ZFHX3: variants seen among roughly 807,000 people sequenced by gnomAD.
ZFHX3 encodes zinc finger homeobox 3.
Under a neutral mutation model 279.1 loss-of-function variants are expected in ZFHX3, and 42 were observed. That is an observed-to-expected ratio of 0.15 (90% CI 0.12 to 0.19). The LOEUF is 0.19. Among genes scored for constraint, ZFHX3 ranks in the 10% least tolerant of loss-of-function variants. The pLI is 1.00. For missense variants in ZFHX3, 4,981 were observed against 4,754.0 expected (o/e 1.05, Z -1.40); for synonymous variants, 2,293 against 1,957.8 (o/e 1.17, Z -4.52).
At chr16:73,734,994 T>A (rs1460159337) in intron 1 of ZFHX3, among the ~76,000 whole-genome samples, 1 of 152,206 alleles carries the variant, frequency 6.6e-6, no homozygotes, top group African/African-American at 2.4e-5. Flanking sequence ...TTTATAAAAC[T>A]ACCAATACAA....
At chr16:72,898,800 G>A (rs920136163) in intron 3 of ZFHX3, among the ~76,000 whole-genome samples, 4 of 150,030 alleles carry the variant, frequency 2.7e-5, no homozygotes, top group African/African-American at 9.8e-5. Context: ...TAAATGCTAT[G>A]CATGCATATG....
At chr16:73,271,964 C>T (rs1281381049) in intron 4 of ZFHX3, among the ~76,000 whole-genome samples, 1 of 152,134 alleles carries the variant, frequency 6.6e-6, no homozygotes, top group African/African-American at 2.4e-5. Context: ...TGTCATCATC[C>T]ACAAAATAAT....
intron 3 of ZFHX3, among the ~76,000 whole-genome samples, chr16:73,332,287 G>A (rs897077262): frequency 2.6e-4 from 40 of 152,146 alleles, no homozygotes; most frequent in Non-Finnish European, 1.2e-4. Flanking sequence ...TTTATATAAC[G>A]AAGCTCTATA....
rs114172607 is a variant in ZFHX3 at position 72,902,725 on chromosome 16, G to A, written c.3217-12763C>T. 8.8e-3 allele frequency among the ~76,000 whole-genome samples: 1,341 copies of A among 152,222 alleles called. 23 individuals carry two copies. Among genetic ancestry groups the A allele is most frequent in the African/African-American group, 0.03 (1,237 of 41,550 alleles). On this transcript the variant is annotated intron_variant, in intron 3 of 9. Transcript: ENST00000268489. ...GGGTAGAGGATCTCAAGCTGTCCCTGAATATGAGCACCCTCATTTTTGAGA... is the reference window on the plus strand; with the variant it reads ...GGGTAGAGGATCTCAAGCTGTCCCTAAATATGAGCACCCTCATTTTTGAGA...
intron 1 of ZFHX3, among the ~76,000 whole-genome samples, chr16:72,979,194 C>T (rs980260988): frequency 6.6e-6 from 1 of 152,228 alleles, no homozygotes; most frequent in African/African-American, 2.4e-5. Context: ...CCTCCATCAT[C>T]CTCAGCACCC....
At position 73,041,808 on chromosome 16, in the gene ZFHX3, C is replaced by G. The variant is rs886311506; in HGVS notation, c.-50+5944G>C. Among the ~76,000 whole-genome samples, 3 of 152,330 alleles carry G rather than the reference C, an allele frequency of 2.0e-5. No homozygotes were observed. The East Asian group carries it at 5.8e-4, about 29-fold the overall frequency. On this transcript the variant is annotated intron_variant, in intron 1 of 9. Transcript: ENST00000268489. ...GGGAAGCAGAAACCATTCCTCCAGT[C>G]AAGGCCAAATGTACATTAAGAACCA...
chr16:73,145,274 C>T (rs1420478962), intron 5 of ZFHX3, among the ~76,000 whole-genome samples: 1 of 152,204 alleles, frequency 6.6e-6, no homozygotes, highest in Non-Finnish European at 1.5e-5. Context: ...GGTCGGGCCA[C>T]CTCACATGAT....
In ZFHX3 at chr16:72,949,906, CT is replaced by C. The variant is rs1175388347; in HGVS notation, c.3216+562del. Among the ~76,000 whole-genome samples the C allele has an allele frequency of 3.4e-5, 4 of 116,416 alleles. No individual in the cohort carries two copies. In the East Asian group the frequency reaches 1.1e-3, roughly 31 times the overall value. 76.4% of individuals were successfully genotyped at this position (116,416 alleles called of 152,430 possible). A position where few individuals can be genotyped will look rare whatever the true frequency, so the allele number is the denominator to read the frequency against. ...GAAGCTCTATGAGGGCAGGGATTTT[CT>C]TTTCTTTTTTTTTTTTTTTTTTGGT... On this transcript the variant is annotated intron_variant, in intron 3 of 9. Transcript: ENST00000268489.
intron 4 of ZFHX3, among the ~76,000 whole-genome samples, chr16:73,305,800 G>A (rs2015167684): frequency 6.6e-6 from 1 of 152,154 alleles, no homozygotes; most frequent in Non-Finnish European, 1.5e-5. Flanking sequence ...AACATCTCAT[G>A]ATGGTAGAAT....
intron 2 of ZFHX3, among the ~76,000 whole-genome samples, chr16:73,501,080 T>A (rs2019232116): frequency 6.6e-6 from 1 of 152,224 alleles, no homozygotes; most frequent in Non-Finnish European, 1.5e-5. Flanking sequence ...GTATATACCT[T>A]TTCTATATTT....
chr16:73,532,385 C>A (rs2019821221), intron 2 of ZFHX3, among the ~76,000 whole-genome samples: 1 of 152,130 alleles, frequency 6.6e-6, no homozygotes, highest in African/African-American at 2.4e-5. Flanking sequence ...TGTCTTCCAC[C>A]ACGATTGTGA....
At chr16:73,211,946 T>A (rs2012034692) in intron 5 of ZFHX3, among the ~76,000 whole-genome samples, 1 of 151,992 alleles carries the variant, frequency 6.6e-6, no homozygotes, top group Admixed American at 6.6e-5. Context: ...GAGTAAGATT[T>A]TATTAGAAAA....
At chr16:73,532,897 C>T (rs182832743) in intron 2 of ZFHX3, among the ~76,000 whole-genome samples, 4 of 152,312 alleles carry the variant, frequency 2.6e-5, no homozygotes, top group African/African-American at 7.2e-5. Context: ...GCTCAGCACT[C>T]ATTCTCTCTC....
At chr16:73,325,908 C>A (rs1597285161) in intron 3 of ZFHX3, among the ~76,000 whole-genome samples, 3 of 107,466 alleles carry the variant, frequency 2.8e-5, no homozygotes, top group East Asian at 2.4e-4. Flanking sequence ...CACAAACACA[C>A]ACACACACAC....
intron 1 of ZFHX3, among the ~76,000 whole-genome samples, chr16:73,730,882 G>A (rs1022844422): frequency 6.6e-6 from 1 of 152,172 alleles, no homozygotes; most frequent in Admixed American, 6.5e-5. Context: ...AGGAGACCCT[G>A]GGCTCTCTCC....
chr16:73,631,356 G>T (rs545680845), intron 2 of ZFHX3, among the ~76,000 whole-genome samples: 1 of 152,066 alleles, frequency 6.6e-6, no homozygotes, highest in Non-Finnish European at 1.5e-5. Context: ...AAAATAAATG[G>T]TACAAAAGCA....
At chr16:73,833,854 A>G (rs1961066558) in intron 1 of ZFHX3, among the ~76,000 whole-genome samples, 2 of 150,068 alleles carry the variant, frequency 1.3e-5, no homozygotes, top group Admixed American at 1.3e-4. Context: ...CGGGTACCAC[A>G]TTGTATGATG....
At chr16:73,210,291 G>A (rs565213754) in intron 5 of ZFHX3, among the ~76,000 whole-genome samples, 1 of 152,208 alleles carries the variant, frequency 6.6e-6, no homozygotes, top group East Asian at 1.9e-4. Context: ...TCAGCAAAAT[G>A]CCTCCCCATA....
intron 3 of ZFHX3, among the ~76,000 whole-genome samples, chr16:73,405,592 G>T (rs966742576): frequency 2.2e-4 from 32 of 146,676 alleles, no homozygotes; most frequent in Admixed American, 7.4e-4. Context: ...TTTGTTTTTT[G>T]TTTTTTTTTT....
Sources: allele counts gnomAD v4.1 joint callset (sites outside exome capture counted in the v4.1 genomes callset), GRCh38; gene constraint gnomAD v4.1.1; transcripts MANE v1.5; gene names NCBI Gene and HGNC (gene_info 2026-07-23, HGNC 2026-07-21).